The following APOBEC3D variants were observed in gnomAD, a reference collection of about 807,000 sequenced individuals.
APOBEC3D encodes the protein DNA dC->dU-editing enzyme APOBEC-3D.
APOBEC3D carries 37 observed loss-of-function variants against 45.6 expected under a neutral mutation model. The observed-to-expected ratio is 0.81, with a 90% CI of 0.62 to 1.07. The LOEUF (loss-of-function observed/expected upper bound fraction) is 1.07, where lower values mean the gene tolerates loss of function less well. APOBEC3D is among the 50% of genes least tolerant of loss of function. The pLI, the probability that APOBEC3D is intolerant of heterozygous loss-of-function variation, is 0.00. For missense variants in APOBEC3D, 496 were observed against 495.3 expected (o/e 1.00, Z -0.01); for synonymous variants, 175 against 180.7 (o/e 0.97, Z 0.25).
chr22:39,024,945 G>C (rs1017642787), intron 2 of APOBEC3D, 125 bp from the exon 3 acceptor site: 3 of 902,516 alleles, frequency 3.3e-6, no homozygotes, highest in South Asian at 1.8e-5. Flanking sequence ...AGGGGGGATG[G>C]AGGAAAGGAG....
At chr22:39,025,398 G>C (rs746324437) in intron 3 of APOBEC3D, 49 bp downstream of exon 3, 15 of 1,612,510 alleles carry the variant, frequency 9.3e-6, no homozygotes, top group Non-Finnish European at 1.3e-5. Flanking sequence ...AACAGCCTCA[G>C]AGATGGATGG....
intron 1 of APOBEC3D, among the ~76,000 whole-genome samples, chr22:39,022,126 G>A (rs1925173230): frequency 1.3e-5 from 2 of 152,202 alleles, no homozygotes; most frequent in African/African-American, 4.8e-5. Flanking sequence ...GAAAGAACGC[G>A]ATGATCAGGA....
intron 4 of APOBEC3D, among the ~76,000 whole-genome samples, chr22:39,028,175 C>G (rs1277082156): frequency 6.6e-6 from 1 of 152,232 alleles, no homozygotes; most frequent in Non-Finnish European, 1.5e-5. Context: ...ACCCCAGACA[C>G]AGGCTCCTCC....
At chr22:39,025,789 GTT>G in intron 4 of APOBEC3D, 118 bp downstream of exon 4, 3 of 1,566,598 alleles carry the variant, frequency 1.9e-6, no homozygotes, top group South Asian at 2.4e-5. Context: ...TGCCCTCATG[GTT>G]ACACCCCCTC....
rs765203656 is a variant in APOBEC3D at position 39,031,660 on chromosome 22, A to C, written c.763-34A>C. 5.6e-6 allele frequency: 9 copies of C among 1,609,518 alleles called. No homozygotes were observed. In the East Asian group the frequency reaches 1.8e-4, roughly 32 times the overall value. ...CTACACTCCTCCTGCTCCTGGTCTGAGCTCCCCCTGCCCTCCTCCTCCTCC... is the reference window on the plus strand; with the variant it reads ...CTACACTCCTCCTGCTCCTGGTCTGCGCTCCCCCTGCCCTCCTCCTCCTCC... On this transcript the variant is annotated intron_variant, in intron 5 of 6. Coordinates refer to ENST00000216099, the MANE Select transcript of APOBEC3D (RefSeq NM_152426.4).
chr22:39,029,479 A>G lies in APOBEC3D; in HGVS notation c.722A>G (p.His241Arg). The G allele has an allele frequency of 1.9e-6, 3 of 1,614,042 alleles. No individual in the cohort carries two copies. The highest frequency in any genetic ancestry group is 1.6e-4 in the Middle Eastern group (1 of 6,062). The stretch of plus-strand genomic sequence containing the variant: ...TTCACCATGGAAGTTACAAAGCACC[A>G]CTCAGCTGTCTTCCGGAAGAGGGGC... ...LCFTMEVTKHHSAVFRKRGVF... is the reference protein window; with the variant it reads ...LCFTMEVTKHRSAVFRKRGVF... Residue 241 changes from histidine (H) to arginine (R), a missense_variant, in exon 5 of 7, where the codon CAC (histidine) becomes CGC (arginine). By Grantham distance (29) the His-to-Arg change is conservative (BLOSUM62 0). Coordinates refer to ENST00000216099, the MANE Select transcript of APOBEC3D (RefSeq NM_152426.4).
intron 1 of APOBEC3D, among the ~76,000 whole-genome samples, chr22:39,021,793 C>G (rs1443036538): frequency 1.3e-5 from 2 of 152,228 alleles, no homozygotes; most frequent in Non-Finnish European, 2.9e-5. Context: ...AAGTCATGGC[C>G]AGGCCGGTGC....
intron 1 of APOBEC3D, 85 bp from the exon 2 acceptor site, chr22:39,022,736 TC>T: frequency 2.0e-6 from 3 of 1,497,686 alleles, no homozygotes; most frequent in Non-Finnish European, 1.8e-6. Flanking sequence ...CCCAGGGCCG[TC>T]CCGGGAGCTG....
chr22:39,023,425 ATTTCTTTTTTCTTTTCTTTC>A (rs1925321044), intron 2 of APOBEC3D, among the ~76,000 whole-genome samples: 1 of 136,894 alleles, frequency 7.3e-6, no homozygotes, highest in Non-Finnish European at 1.6e-5. Context: ...CACTTCCTAT[ATTTCTTTTTTCTTTTCTTTC>A]TTTCTTTTTT....
chr22:39,025,255 CG>C lies in APOBEC3D; in HGVS notation c.397del (p.Ala133ProfsTer25). 1 of 1,614,102 alleles carries C rather than the reference CG, an allele frequency of 6.2e-7. No homozygotes were observed. Reference protein sequence around the residue: ...HPNVTLTISAARLYYYRDRDW... With the variant: ...HPNVTLTISAXRLYYYRDRDW... ...CCAATGTCACCCTGACCATCTCTGC[CG>C]CCCGCCTCTACTACTACCGGGATAG... On this transcript the variant is annotated frameshift_variant, in exon 3 of 7. Coordinates refer to ENST00000216099, the MANE Select transcript of APOBEC3D (RefSeq NM_152426.4). LOFTEE classifies it high-confidence loss of function.
At position 39,032,995 on chromosome 22, in the gene APOBEC3D, T is replaced by A. The variant is rs1487517365; in HGVS notation, c.*679T>A. The A allele has an allele frequency of 2.0e-5, 3 of 151,858 alleles. No homozygotes were observed. Among genetic ancestry groups the A allele is most frequent in the African/African-American group, 7.3e-5 (3 of 41,174 alleles). 9.4% of individuals were successfully genotyped at this position (151,858 alleles called of 1,614,324 possible). ...TCGGAGGCAGAGGTGGGAGAATCGC[T>A]TGAGCCCAGAAGTTTGAGACCAGCC... On this transcript the variant is annotated 3_prime_UTR_variant, in exon 7 of 7. Transcript: ENST00000216099.
intron 1 of APOBEC3D, 107 bp from the exon 2 acceptor site, chr22:39,022,715 G>C: frequency 2.1e-6 from 3 of 1,414,712 alleles, no homozygotes; most frequent in South Asian, 1.4e-5. Context: ...GCTGTGGAGG[G>C]GTGGGGGAGG....
chr22:39,022,603 G>A (rs925253958), intron 1 of APOBEC3D, among the ~76,000 whole-genome samples: 3 of 152,144 alleles, frequency 2.0e-5, no homozygotes, highest in African/African-American at 7.2e-5. Flanking sequence ...GGCCAGAGTT[G>A]GGCCCGAGCT....
chr22:39,032,758 AAT>A lies in APOBEC3D; in HGVS notation c.*443_*444del. On this transcript the variant is annotated 3_prime_UTR_variant, in exon 7 of 7. Transcript: ENST00000216099. ...CAGATGCCTGCCACCACGCCCAGCT[AAT>A]TTTTTTTTTTTTTTTTTTTTTTTTT... The A allele has an allele frequency of 6.8e-6, 1 of 147,998 alleles. No individual in the cohort carries two copies. Among genetic ancestry groups the A allele is most frequent in the Non-Finnish European group, 9.9e-6 (1 of 101,180 alleles). 9.2% of individuals were successfully genotyped at this position (147,998 alleles called of 1,614,324 possible). A position where few individuals can be genotyped will look rare whatever the true frequency, so the allele number is the denominator to read the frequency against.
chr22:39,026,162 A>G (rs1178586524), intron 4 of APOBEC3D, among the ~76,000 whole-genome samples: 2 of 152,078 alleles, frequency 1.3e-5, no homozygotes, highest in East Asian at 3.9e-4. Context: ...CAGGGCAGGC[A>G]TTTATTTTCT....
At chr22:39,026,233 C>A (rs1208146550) in intron 4 of APOBEC3D, among the ~76,000 whole-genome samples, 1 of 152,126 alleles carries the variant, frequency 6.6e-6, no homozygotes, top group Non-Finnish European at 1.5e-5. Flanking sequence ...TCCTCTGTGG[C>A]CGCTCCTCCT....
Position 39,021,472 on chromosome 22 carries a change from C to G in APOBEC3D, c.-48C>G, listed in dbSNP as rs1375586699. 1.2e-6 allele frequency: 2 copies of G among 1,613,904 alleles called. No individual in the cohort carries two copies. The highest frequency in any genetic ancestry group is 2.2e-5 in the South Asian group (2 of 91,076). On this transcript the variant is annotated 5_prime_UTR_variant, in exon 1 of 7. Coordinates refer to ENST00000216099, the MANE Select transcript of APOBEC3D (RefSeq NM_152426.4). ...GCAAGCAGGAAGTGAAACCACAGCA[C>G]TTCAAAAAAAGAGGGAGACTGGGAC...
intron 4 of APOBEC3D, among the ~76,000 whole-genome samples, chr22:39,027,626 A>G (rs539251832): frequency 2.6e-5 from 4 of 152,336 alleles, no homozygotes; most frequent in Admixed American, 1.3e-4. Context: ...CAGGGAGGCT[A>G]CACATGAAGC....
At position 39,031,750 on chromosome 22, in the gene APOBEC3D, C is replaced by G. The variant is rs201301308; in HGVS notation, c.819C>G (p.Asp273Glu). 6 of 1,613,564 alleles carry G rather than the reference C, an allele frequency of 3.7e-6. No homozygotes were observed. The highest frequency in any genetic ancestry group is 2.2e-5 in the South Asian group (2 of 91,070). The change falls in exon 6 of 7, where the codon GAC becomes GAG. Residue 273 changes from aspartate (D) to glutamate (E), a missense_variant. Transcript: ENST00000216099. ...AERCFLSWFC[D>E]DILSPNTNYE... Reference sequence around the variant, plus strand: ...GGTGCTTCCTCTCTTGGTTCTGTGACGACATACTGTCTCCTAACACAAACT... The same window carrying G: ...GGTGCTTCCTCTCTTGGTTCTGTGAGGACATACTGTCTCCTAACACAAACT...
Sources: gnomAD v4.1 joint callset for allele counts (sites outside exome capture counted in the v4.1 genomes callset) on GRCh38, gnomAD v4.1.1 for gene constraint, MANE v1.5 for transcripts, NCBI Gene and HGNC (gene_info 2026-07-23, HGNC 2026-07-21) for gene names.